ATP13A2: variants seen among roughly 807,000 people sequenced by gnomAD.
The protein encoded by ATP13A2 is ATPase cation transporting 13A2, also known as polyamine-transporting ATPase 13A2.
Under a neutral mutation model 138.3 loss-of-function variants are expected in ATP13A2, and 83 were observed. That is an observed-to-expected ratio of 0.60 (90% CI 0.50 to 0.72). ATP13A2 has a LOEUF of 0.72. Ranked by LOEUF, ATP13A2 falls within the 30% of genes least tolerant of loss-of-function variation. The pLI is 0.00. For synonymous variants in ATP13A2, 663 were observed against 699.0 expected (o/e 0.95, Z 0.81); for missense variants, 1,402 against 1,606.4 (o/e 0.87, Z 2.17).
In ATP13A2 at chr1:16,986,217, T is replaced by C; in HGVS notation, c.*4A>G. 1.2e-6 allele frequency: 2 copies of C among 1,612,320 alleles called. No homozygotes were observed. The highest frequency in any genetic ancestry group is 8.5e-7 in the Non-Finnish European group (1 of 1,179,516). ...CCAGTGTCTGGGGTGCCCGTGGGCC[T>C]GCACTACCTCAGGGGGCCGGCGGGC... On this transcript the variant is annotated 3_prime_UTR_variant, in exon 29 of 29. Transcript: ENST00000326735. This position sits in a 1 kb window ranked among gnomAD's most constrained non-coding sequence, Gnocchi z 6.9.
At chr1:16,996,843 G>A in intron 12 of ATP13A2, 177 bp downstream of exon 12, 5 of 836,138 alleles carry the variant, frequency 6.0e-6, no homozygotes, top group Non-Finnish European at 9.5e-6. Flanking sequence ...CCCAACTTCT[G>A]CTAAGATGGG....
chr1:17,005,109 T>C (rs531601899), intron 3 of ATP13A2, 37 bp from the exon 4 acceptor site: 1 of 1,611,308 alleles, frequency 6.2e-7, no homozygotes, highest in East Asian at 2.2e-5. Flanking sequence ...CTCAGAAGAG[T>C]CCCCTCCCCT....
chr1:16,999,862 CTGCACTCCA>C, intron 11 of ATP13A2, 140 bp downstream of exon 11: 1 of 1,143,396 alleles, frequency 8.7e-7, no homozygotes, highest in Non-Finnish European at 1.2e-6. Context: ...GATCATGTCA[CTGCACTCCA>C]GCCTGGACAA....
At chr1:16,989,439 G>A (rs1343886604) in intron 23 of ATP13A2, among the ~76,000 whole-genome samples, 1 of 152,150 alleles carries the variant, frequency 6.6e-6, no homozygotes, top group Non-Finnish European at 1.5e-5. Context: ...TCAAACTCCT[G>A]GGCTCAAGTG....
intron 15 of ATP13A2, among the ~76,000 whole-genome samples, chr1:16,994,922 G>A (rs185405015): frequency 2.4e-4 from 36 of 151,942 alleles, no homozygotes; most frequent in Admixed American, 7.9e-4. Context: ...TCGGCCTCCC[G>A]AAGTGCCGGG....
chr1:17,005,386 T>C lies in ATP13A2; in HGVS notation c.276A>G (p.Ile92Met). ...LAHAETLVIE[I>M]RDKEDSSWQL... ...GCCTGACTCTCACCTCTTTGTCTCT[T>C]ATTTCGATAACGAGTGTTTCGGCGT... is the stretch of plus-strand genomic sequence containing the variant. Residue 92 changes from isoleucine (I) to methionine (M), a missense_variant, in exon 3 of 29, where the codon ATA (isoleucine) becomes ATG (methionine). Transcript: ENST00000326735. 1 of 1,603,608 alleles carries C rather than the reference T, an allele frequency of 6.2e-7. No homozygotes were observed. Among genetic ancestry groups the C allele is most frequent in the Non-Finnish European group, 8.5e-7 (1 of 1,174,882 alleles).
In ATP13A2 at chr1:16,992,011, C is replaced by G; in HGVS notation, c.2124G>C (p.Thr708=). Residue 708 remains threonine (T), a splice_region_variant and synonymous_variant, in exon 19 of 29, where the codon ACG becomes ACC. Transcript: ENST00000326735. The stretch of plus-strand genomic sequence containing the variant: ...GGTGGGACAGGAGACAGGCCCACCT[C>G]GTCAGTTGCTGGGCTGCCTCCAGGC... The part of the protein sequence containing the change: ...VPSLEAAQQL[T]RDTVEGDLSL... 6.2e-7 allele frequency: 1 copy of G among 1,612,468 alleles called. No individual in the cohort carries two copies. Among genetic ancestry groups the G allele is most frequent in the South Asian group, 1.1e-5 (1 of 91,032 alleles).
At chr1:17,005,579 C>T in intron 2 of ATP13A2, 23 bp from the exon 3 acceptor site, 1 of 1,614,188 alleles carries the variant, frequency 6.2e-7, no homozygotes, top group Non-Finnish European at 8.5e-7. Flanking sequence ...CGAGAGAGGG[C>T]CCAGGTCGGG....
chr1:17,005,659 TC>T (rs2077531043), intron 2 of ATP13A2, 24 bp downstream of exon 2: 1 of 1,613,444 alleles, frequency 6.2e-7, no homozygotes, highest in East Asian at 2.2e-5. Context: ...CTGCAGCTTT[TC>T]CCCACCCCAC....
intron 11 of ATP13A2, among the ~76,000 whole-genome samples, chr1:16,997,414 C>CGGCGG (rs1424418496): frequency 2.9e-3 from 165 of 56,352 alleles, no homozygotes; most frequent in Admixed American, 5.9e-3. Flanking sequence ...CTGGAACCAG[C>CGGCGG]GGGGGGGGGT....
In ATP13A2 at chr1:16,987,089, C is replaced by G. The variant is rs202166353; in HGVS notation, c.3040G>C (p.Gly1014Arg). 2 of 1,613,428 alleles carry G rather than the reference C, an allele frequency of 1.2e-6. No homozygotes were observed. Among genetic ancestry groups the G allele is most frequent in the Non-Finnish European group, 1.7e-6 (2 of 1,179,962 alleles). Residue 1014 changes from glycine (G) to arginine (R), a missense_variant, in exon 26 of 29, where the codon GGC becomes CGC. Gly to Arg is a moderately radical substitution (Grantham distance 125). Transcript: ENST00000326735. Reference sequence around the variant, plus strand: ...AGGAAGTAGCCCCCTAGCTGCACGCCGGTCACCAGGACCATCTGCAGCAGC... The same window carrying G: ...AGGAAGTAGCCCCCTAGCTGCACGCGGGTCACCAGGACCATCTGCAGCAGC... Reference protein sequence around the residue: ...SLLLQMVLVTGVQLGGYFLTL... With the variant: ...SLLLQMVLVTRVQLGGYFLTL...
chr1:17,007,914 AC>A (rs945374362), intron 1 of ATP13A2, among the ~76,000 whole-genome samples: 1 of 151,384 alleles, frequency 6.6e-6, no homozygotes, highest in East Asian at 1.9e-4. Context: ...TGGGCACAGC[AC>A]CCCCAGCCTC....
rs572114816 is a variant in ATP13A2, at chr1:16,994,188, T to G, written c.1543-353A>C. On this transcript the variant is annotated intron_variant, in intron 15 of 28. Transcript: ENST00000326735. Reference sequence around the variant, plus strand: ...GACCCGGCCCACGGTTGGCTCGCTCTCTCTCTCTCATTTATTTATTTATTT... The same window carrying G: ...GACCCGGCCCACGGTTGGCTCGCTCGCTCTCTCTCATTTATTTATTTATTT... Among the ~76,000 whole-genome samples, 588 of 146,128 alleles carry G rather than the reference T, an allele frequency of 4.0e-3. 1 individual carries two copies. Among genetic ancestry groups the G allele is most frequent in the African/African-American group, 0.014 (549 of 40,268 alleles).
intron 15 of ATP13A2, among the ~76,000 whole-genome samples, chr1:16,994,357 C>T (rs1004821805): frequency 6.6e-6 from 1 of 151,932 alleles, no homozygotes; most frequent in Non-Finnish European, 1.5e-5. Context: ...CTCAGCCTCC[C>T]GAGCAGCTAG....
rs769405638 is a variant in ATP13A2 at position 17,002,091 on chromosome 1, G to A, written c.648C>T (p.Tyr216=). 18 of 1,613,478 alleles carry A rather than the reference G, an allele frequency of 1.1e-5. No individual in the cohort carries two copies. The highest frequency in any genetic ancestry group is 6.7e-5 in the East Asian group (3 of 44,882). ...CCGGTATGCTGATCACGTTGGGGCC[G>A]TAAATGGCCTTCCTGGAAGAGGGGA... The part of the protein sequence containing the change: ...LQDQMVRKAI[Y]GPNVISIPVK... Residue 216 remains tyrosine, a synonymous_variant, in exon 8 of 29, where the codon TAC becomes TAT. Transcript: ENST00000326735.
chr1:16,999,947 C>T (rs1386821936), intron 11 of ATP13A2, 64 bp downstream of exon 11: 11 of 1,500,010 alleles, frequency 7.3e-6, no homozygotes, highest in Non-Finnish European at 9.8e-6. Flanking sequence ...AAACTTTTGC[C>T]GCAGGGCAAA....
chr1:16,986,484 G>A lies in ATP13A2; in HGVS notation c.3384C>T (p.Phe1128=), dbSNP rs373514205. ...CCACCTCCAGCATGAAGGCCCCCAC[G>A]AAGTTGAGGGTGACCAGACCCAGCA... is the stretch of plus-strand genomic sequence containing the variant. ...LLLLGLVTLN[F]VGAFMLESVL... is the part of the protein sequence containing the mutation. Residue 1128 remains phenylalanine (F), a synonymous_variant, in exon 28 of 29, where the codon TTC becomes TTT. Transcript: ENST00000326735. The surrounding 1 kb of genome is among the most constrained non-coding windows in gnomAD (Gnocchi z 6.9). 27 of 1,612,378 alleles carry A rather than the reference G, an allele frequency of 1.7e-5. 1 individual carries two copies. The highest frequency in any genetic ancestry group is 3.3e-5 in the Admixed American group (2 of 59,998).
At position 16,986,254 on chromosome 1, in the gene ATP13A2, G is replaced by C; in HGVS notation, c.3510C>G (p.Pro1170=). The C allele has an allele frequency of 1.2e-6, 2 of 1,608,464 alleles. No homozygotes were observed. Among genetic ancestry groups the C allele is most frequent in the Non-Finnish European group, 1.7e-6 (2 of 1,178,192 alleles). ...KQLERELAEQ[P]WPPLPAGPLR ...GGGGGCCGGCGGGCAGCGGCGGCCAGGGCTGCTCGGCCAGCTCTCGTTCCA... is the reference window on the plus strand; with the variant it reads ...GGGGGCCGGCGGGCAGCGGCGGCCACGGCTGCTCGGCCAGCTCTCGTTCCA... Residue 1170 remains proline, a synonymous_variant, in exon 29 of 29, where the codon CCC becomes CCG. Transcript: ENST00000326735. The surrounding 1 kb of genome is among the most constrained non-coding windows in gnomAD (Gnocchi z 6.9).
In ATP13A2 at chr1:16,991,855, G is replaced by T. The variant is rs2076943011; in HGVS notation, c.2130C>A (p.Asp710Glu). 2 of 1,614,110 alleles carry T rather than the reference G, an allele frequency of 1.2e-6. No homozygotes were observed. Among genetic ancestry groups the T allele is most frequent in the Non-Finnish European group, 8.5e-7 (1 of 1,180,040 alleles). The change falls in exon 20 of 29, where the codon GAC becomes GAA. Residue 710 changes from aspartate (D) to glutamate (E), a missense_variant. Asp to Glu is a conservative substitution (Grantham distance 45). Transcript: ENST00000326735. ...GGAGGCTCAGGTCTCCTTCCACAGT[G>T]TCCCTGGAGGGTGGGCAGACCTGGA... The part of the protein sequence containing the change: ...SLEAAQQLTR[D>E]TVEGDLSLLG...
Sources: gnomAD v4.1 joint callset for allele counts (sites outside exome capture counted in the v4.1 genomes callset) on GRCh38, gnomAD v4.1.1 for gene constraint, Gnocchi (gnomAD v3.1) non-coding constraint, MANE v1.5 for transcripts, NCBI Gene and HGNC (gene_info 2026-07-23, HGNC 2026-07-21) for gene names.